RUNX1T1: variants seen among roughly 807,000 people sequenced by gnomAD.
The protein encoded by RUNX1T1 is protein CBFA2T1.
Under a neutral mutation model 62.8 loss-of-function variants are expected in RUNX1T1, and 4 were observed. The observed-to-expected ratio is 0.06, with a 90% CI of 0.03 to 0.15. The LOEUF is 0.15. RUNX1T1 is among the 10% of genes least tolerant of loss of function. RUNX1T1 has a pLI of 1.00. For synonymous variants in RUNX1T1, 291 were observed against 286.0 expected, an observed-to-expected ratio of 1.02 and a Z score of -0.18; for missense variants, 508 against 754.3, an observed-to-expected ratio of 0.67 and a Z score of 3.82.
chr8:92,082,662 C>T (rs779704439), intron 1 of RUNX1T1, among the ~76,000 whole-genome samples: 2 of 152,142 alleles, frequency 1.3e-5, no homozygotes, highest in Non-Finnish European at 2.9e-5. Flanking sequence ...TTACCATTTC[C>T]GCATTGTGAG....
At chr8:91,982,576 C>T (rs908475853) in intron 8 of RUNX1T1, among the ~76,000 whole-genome samples, 3 of 152,182 alleles carry the variant, frequency 2.0e-5, no homozygotes, top group African/African-American at 7.2e-5. Context: ...ATTCTGATCA[C>T]ATTATCTTGC....
exon 1 of RUNX1T1, chr8:92,062,750 G>A (rs1419331478): frequency 6.4e-7 from 1 of 1,550,916 alleles, no homozygotes. Flanking sequence ...ACTCCGGATT[G>A]CACTTGGAGC....
chr8:92,034,157 C>T (rs998944817), intron 1 of RUNX1T1, among the ~76,000 whole-genome samples: 5 of 152,168 alleles, frequency 3.3e-5, no homozygotes, highest in South Asian at 2.1e-4. Context: ...GTGCCTTATT[C>T]ACCTTTGTAT....
chr8:92,094,278 T>C (rs1837465978), intron 1 of RUNX1T1, among the ~76,000 whole-genome samples: 1 of 152,226 alleles, frequency 6.6e-6, no homozygotes, highest in Non-Finnish European at 1.5e-5. Flanking sequence ...TATCTATCTA[T>C]GAAAACACCT....
At chr8:92,014,438 C>A in intron 3 of RUNX1T1, 141 bp downstream of exon 4, 1 of 794,374 alleles carries the variant, frequency 1.3e-6, no homozygotes, top group South Asian at 2.5e-5. Context: ...GTCACTATAG[C>A]ATGAATCAGA....
rs774127132 is a variant in RUNX1T1 at position 91,975,983 on chromosome 8, G to T, written c.1199-10C>A. The T allele has an allele frequency of 6.9e-6, 11 of 1,604,882 alleles. 1 individual carries two copies. The South Asian group carries it at 1.1e-4, about 16-fold the overall frequency. On this transcript the variant is annotated splice_polypyrimidine_tract_variant and intron_variant, in intron 8 of 10. Transcript: ENST00000396218. ...AATTCCCGATGCGCGTCTATGAAAA[G>T]GATGGGAAGGGGGTGGAGAGAGGAG...
rs1379710817 is a variant in RUNX1T1 at position 91,988,422 on chromosome 8, T to C, written c.911-1450A>G. On this transcript the variant is annotated intron_variant, in intron 6 of 10. Transcript: ENST00000396218. ...ATAATATAAAGACATTGGGAAAGAATAGTATTTAGCTACTGCTCTGTTGTG... is the reference window on the plus strand; with the variant it reads ...ATAATATAAAGACATTGGGAAAGAACAGTATTTAGCTACTGCTCTGTTGTG... Among the ~76,000 whole-genome samples the C allele has an allele frequency of 3.9e-5, 6 of 152,160 alleles. No individual in the cohort carries two copies. The South Asian group carries it at 1.2e-3, about 31-fold the overall frequency.
chr8:92,052,465 T>C (rs762632000), intron 1 of RUNX1T1, among the ~76,000 whole-genome samples: 16 of 152,132 alleles, frequency 1.1e-4, no homozygotes, highest in Non-Finnish European at 2.1e-4. Flanking sequence ...AAATACATCA[T>C]TTAAAATAAA....
chr8:91,994,126 C>T (rs2130908025), intron 5 of RUNX1T1, among the ~76,000 whole-genome samples: 1 of 152,306 alleles, frequency 6.6e-6, no homozygotes, highest in East Asian at 1.9e-4. Context: ...GATGGCAAAG[C>T]ATGGCCCCCA....
upstream of RUNX1T1, among the ~76,000 whole-genome samples, chr8:92,067,682 T>C (rs965404761): frequency 5.3e-4 from 81 of 152,318 alleles, no homozygotes; most frequent in African/African-American, 1.9e-3. Context: ...TATACATGAA[T>C]AAAAAGATGT....
chr8:92,072,359 A>T (rs1833814741), intron 2 of RUNX1T1, among the ~76,000 whole-genome samples: 1 of 152,182 alleles, frequency 6.6e-6, no homozygotes, highest in South Asian at 2.1e-4. Context: ...CAAAACTCTA[A>T]AATATTTTGT....
At chr8:91,999,066 C>T (rs910279370) in intron 5 of RUNX1T1, among the ~76,000 whole-genome samples, 5 of 152,094 alleles carry the variant, frequency 3.3e-5, no homozygotes, top group African/African-American at 9.7e-5. Flanking sequence ...ACTTCAGTGG[C>T]AGTACAAAGA....
intron 10 of RUNX1T1, among the ~76,000 whole-genome samples, chr8:91,964,739 T>C (rs1368138212): frequency 1.3e-5 from 2 of 152,156 alleles, no homozygotes; most frequent in Non-Finnish European, 2.9e-5. Flanking sequence ...TTAGCTCTCA[T>C]TGTGGCAAGA....
intron 1 of RUNX1T1, among the ~76,000 whole-genome samples, chr8:92,097,871 T>G (rs1204327035): frequency 6.6e-6 from 1 of 152,230 alleles, no homozygotes; most frequent in African/African-American, 2.4e-5. Flanking sequence ...AACACTTTGC[T>G]GCAAAGCTTT....
At chr8:92,080,905 A>G (rs1180606978) in intron 1 of RUNX1T1, among the ~76,000 whole-genome samples, 1 of 152,270 alleles carries the variant, frequency 6.6e-6, no homozygotes, top group Non-Finnish European at 1.5e-5. Context: ...CTAAGTATCA[A>G]CAACGCAATA....
At chr8:92,039,305 C>T (rs1047661110) in intron 1 of RUNX1T1, among the ~76,000 whole-genome samples, 1 of 152,122 alleles carries the variant, frequency 6.6e-6, no homozygotes, top group Admixed American at 6.5e-5. Flanking sequence ...CCACGCCTGG[C>T]CCAAAAGGCT....
Position 92,017,373 on chromosome 8 carries a change from G to A in RUNX1T1, c.8-10C>T. The A allele has an allele frequency of 6.2e-7, 1 of 1,613,788 alleles. No homozygotes were observed. The highest frequency in any genetic ancestry group is 8.5e-7 in the Non-Finnish European group (1 of 1,179,798). On this transcript the variant is annotated splice_polypyrimidine_tract_variant and intron_variant, in intron 1 of 10. Transcript: ENST00000396218. ...TGCTTCTCAGTACGATCTGGAGGAT[G>A]CCACCAGGAACATATTATTTTACTC... is the stretch of plus-strand genomic sequence containing the variant.
chr8:92,050,789 C>G (rs1280188954), intron 1 of RUNX1T1, among the ~76,000 whole-genome samples: 1 of 152,176 alleles, frequency 6.6e-6, no homozygotes, highest in Non-Finnish European at 1.5e-5. Context: ...CAATTTAGAT[C>G]ATGTCACTTC....
At chr8:92,033,962 C>T (rs959099929) in intron 1 of RUNX1T1, among the ~76,000 whole-genome samples, 1 of 151,396 alleles carries the variant, frequency 6.6e-6, no homozygotes, top group Non-Finnish European at 1.5e-5. Flanking sequence ...GAGCGAGACT[C>T]TGTCTCAAAA....
Sources: gnomAD v4.1 joint callset for allele counts (sites outside exome capture counted in the v4.1 genomes callset) on GRCh38, gnomAD v4.1.1 for gene constraint, MANE v1.5 for transcripts, NCBI Gene and HGNC (gene_info 2026-07-23, HGNC 2026-07-21) for gene names.